SPNS2: variants seen among roughly 807,000 people sequenced by gnomAD.
The protein encoded by SPNS2 is sphingosine-1-phosphate transporter SPNS2.
A neutral mutation model predicts 57.6 loss-of-function variants in SPNS2; 37 were observed. The ratio of observed to expected loss-of-function variants is 0.64; its 90% CI spans 0.49 to 0.85. The LOEUF (loss-of-function observed/expected upper bound fraction) is 0.85, where lower values mean the gene tolerates loss of function less well. Ranked by LOEUF, SPNS2 falls within the 40% of genes least tolerant of loss-of-function variation. The probability of loss-of-function intolerance (pLI) is 0.00; values close to 1 mark genes in which losing one functional copy is unlikely to be tolerated. For missense variants in SPNS2, 831 were observed against 779.1 expected (o/e 1.07, Z -0.79); for synonymous variants, 440 against 346.9 (o/e 1.27, Z -2.98).
chr17:4,523,803 C>T (rs1905199962), intron 2 of SPNS2, among the ~76,000 whole-genome samples: 2 of 152,214 alleles, frequency 1.3e-5, no homozygotes, highest in African/African-American at 2.4e-5. Context: ...GCTCCTGTTT[C>T]AGCCCCTCCC....
intron 3 of SPNS2, among the ~76,000 whole-genome samples, chr17:4,526,747 T>C (rs1905271829): frequency 6.6e-6 from 1 of 152,172 alleles, no homozygotes; most frequent in South Asian, 2.1e-4. Context: ...CTGGAAAAGT[T>C]TGAAGAACAA....
In SPNS2 at chr17:4,518,256, G is replaced by A. The variant is rs190305022; in HGVS notation, c.436+4944G>A. Among the ~76,000 whole-genome samples the A allele has an allele frequency of 4.5e-3, 689 of 152,358 alleles. 6 individuals carry two copies. The highest frequency in any genetic ancestry group is 0.016 in the African/African-American group (646 of 41,590). ...ATGTGTGTCTCGGGCCGGGCGCGGT[G>A]GCTCACGCCTGTAATCCCAGCACTT... is the stretch of plus-strand genomic sequence containing the variant. On this transcript the variant is annotated intron_variant, in intron 2 of 12. Coordinates refer to ENST00000329078, the MANE Select transcript of SPNS2 (RefSeq NM_001124758.3).
intron 9 of SPNS2, among the ~76,000 whole-genome samples, chr17:4,535,672 T>C (rs1027131225): frequency 6.6e-6 from 1 of 152,154 alleles, no homozygotes; most frequent in African/African-American, 2.4e-5. Flanking sequence ...TATCATTCCT[T>C]AACTGCATGT....
At chr17:4,523,949 C>T (rs576777685) in intron 2 of SPNS2, among the ~76,000 whole-genome samples, 10 of 152,250 alleles carry the variant, frequency 6.6e-5, no homozygotes, top group African/African-American at 2.4e-4. Context: ...TGATATATCC[C>T]AAACACCTAA....
chr17:4,516,434 C>A (rs1904997823), intron 2 of SPNS2, among the ~76,000 whole-genome samples: 1 of 152,240 alleles, frequency 6.6e-6, no homozygotes, highest in East Asian at 1.9e-4. Context: ...GAACCTACTG[C>A]CTGGCAGGCC....
chr17:4,528,060 C>T (rs955292723), intron 3 of SPNS2, among the ~76,000 whole-genome samples: 2 of 151,686 alleles, frequency 1.3e-5, no homozygotes, highest in Admixed American at 6.6e-5. Context: ...TTCGCTCTTG[C>T]TGCCCAGGCT....
chr17:4,527,825 G>A (rs549085206), intron 3 of SPNS2, among the ~76,000 whole-genome samples: 1 of 152,126 alleles, frequency 6.6e-6, no homozygotes, highest in South Asian at 2.1e-4. Context: ...TCTTTGGAGA[G>A]CGAAACGGCA....
intron 1 of SPNS2, among the ~76,000 whole-genome samples, chr17:4,506,094 TGTC>T (rs1904669816): frequency 6.6e-6 from 1 of 151,902 alleles, no homozygotes; most frequent in Non-Finnish European, 1.5e-5. Context: ...TGTGGGGAGT[TGTC>T]GGGGTGCAGG....
At position 4,530,656 on chromosome 17, in the gene SPNS2, CG is replaced by C. The variant is rs1567594464; in HGVS notation, c.603del (p.Leu202TrpfsTer51). 6.2e-7 allele frequency: 1 copy of C among 1,613,252 alleles called. No individual in the cohort carries two copies. Among genetic ancestry groups the C allele is most frequent in the East Asian group, 2.2e-5 (1 of 44,868 alleles). On this transcript the variant is annotated frameshift_variant, in exon 4 of 13. Coordinates refer to ENST00000329078, the MANE Select transcript of SPNS2 (RefSeq NM_001124758.3). LOFTEE classifies it high-confidence loss of function. ...QQYFWLLVLS[R>X]GLVGIGEASY... The stretch of plus-strand genomic sequence containing the variant: ...GTACTTCTGGCTGCTGGTCCTGTCC[CG>C]GGGGCTGGTGGGCATCGGGGAGGCC...
chr17:4,532,312 C>T (rs557089805), intron 5 of SPNS2, among the ~76,000 whole-genome samples: 13 of 152,324 alleles, frequency 8.5e-5, no homozygotes, highest in South Asian at 2.1e-4. Context: ...CCTGCACCTT[C>T]CCACCTCTGG....
intron 2 of SPNS2, among the ~76,000 whole-genome samples, chr17:4,522,892 T>C (rs1905174218): frequency 6.6e-6 from 1 of 152,260 alleles, no homozygotes; most frequent in Non-Finnish European, 1.5e-5. Flanking sequence ...AAACCTCTTG[T>C]TCTGGAAGAA....
rs537720389 is a variant in SPNS2, at chr17:4,536,072, G to A, written c.1345-4G>A. The A allele has an allele frequency of 1.1e-5, 18 of 1,609,618 alleles. No homozygotes were observed. Among genetic ancestry groups the A allele is most frequent in the African/African-American group, 6.7e-5 (5 of 75,002 alleles). The stretch of plus-strand genomic sequence containing the variant: ...GGCCGCTGACCTGCCCGCCTGTTCC[G>A]CAGTACGTGGTCATCCCCACGCGGC... On this transcript the variant is annotated splice_region_variant and splice_polypyrimidine_tract_variant and intron_variant, in intron 9 of 12. Transcript: ENST00000329078.
chr17:4,527,419 T>C (rs1274814399), intron 3 of SPNS2, among the ~76,000 whole-genome samples: 2 of 152,240 alleles, frequency 1.3e-5, no homozygotes, highest in African/African-American at 4.8e-5. Context: ...TGGGAAGAAC[T>C]ATCTATCCAT....
chr17:4,531,331 C>T (rs1905463648), intron 5 of SPNS2, among the ~76,000 whole-genome samples: 1 of 152,164 alleles, frequency 6.6e-6, no homozygotes, highest in Non-Finnish European at 1.5e-5. Context: ...AGACACAGCC[C>T]CGCCGCCCTC....
chr17:4,502,925 G>A (rs1038742729), intron 1 of SPNS2, among the ~76,000 whole-genome samples: 5 of 152,146 alleles, frequency 3.3e-5, no homozygotes, highest in African/African-American at 4.8e-5. Flanking sequence ...AGCGCCACCC[G>A]GTGAACCTGC....
intron 5 of SPNS2, 23 bp downstream of exon 5, chr17:4,531,142 T>C (rs745488814): frequency 2.5e-6 from 4 of 1,612,582 alleles, no homozygotes; most frequent in East Asian, 2.2e-5. Context: ...TCCCTTCCCA[T>C]GAGGACACCC....
intron 3 of SPNS2, 26 bp downstream of exon 3, chr17:4,525,219 G>C (rs765726439): frequency 2.3e-5 from 37 of 1,612,178 alleles, no homozygotes; most frequent in Non-Finnish European, 2.5e-5. Flanking sequence ...GCTTCTCCCC[G>C]ACCCCTGTGT....
At chr17:4,506,282 G>C (rs1026937631) in intron 1 of SPNS2, among the ~76,000 whole-genome samples, 1 of 152,150 alleles carries the variant, frequency 6.6e-6, no homozygotes, top group Non-Finnish European at 1.5e-5. Context: ...TTGTGGGCTT[G>C]AGGGGAGCCA....
chr17:4,524,245 G>C (rs1181696712), intron 2 of SPNS2, among the ~76,000 whole-genome samples: 1 of 152,162 alleles, frequency 6.6e-6, no homozygotes, highest in Non-Finnish European at 1.5e-5. Flanking sequence ...ACAGGCTCTG[G>C]AGTCAGGCAG....
Sources: allele counts gnomAD v4.1 joint callset (sites outside exome capture counted in the v4.1 genomes callset), GRCh38; gene constraint gnomAD v4.1.1; transcripts MANE v1.5; gene names NCBI Gene and HGNC (gene_info 2026-07-23, HGNC 2026-07-21).